The following DCLK1 variants were observed in gnomAD, a reference collection of about 807,000 sequenced individuals.
DCLK1 encodes the protein doublecortin like kinase 1.
DCLK1 carries 16 observed loss-of-function variants against 86.2 expected under a neutral mutation model. The observed-to-expected ratio is 0.19, with a 90% CI of 0.13 to 0.28. The LOEUF is 0.28. Among genes scored for constraint, DCLK1 ranks in the 10% least tolerant of loss-of-function variants. The probability of loss-of-function intolerance (pLI) is 1.00; values close to 1 mark genes in which losing one functional copy is unlikely to be tolerated. For missense variants in DCLK1, 590 were observed against 940.2 expected (o/e 0.63, Z 4.87); for synonymous variants, 369 against 370.5 (o/e 1.00, Z 0.05).
intron 16 of DCLK1, among the ~76,000 whole-genome samples, chr13:35,782,333 C>T (rs1017797864): frequency 4.6e-5 from 7 of 152,054 alleles, no homozygotes; most frequent in African/African-American, 1.7e-4. Flanking sequence ...TTCCTCTGCC[C>T]GACAGCCCCT....
intron 3 of DCLK1, among the ~76,000 whole-genome samples, chr13:35,999,314 T>A (rs1228903167): frequency 6.6e-6 from 1 of 152,114 alleles, no homozygotes; most frequent in Non-Finnish European, 1.5e-5. Flanking sequence ...TTTTTCTGAA[T>A]AGTCAATGGA....
At chr13:35,867,911 A>AAGAAAGAAAGAAAGAAAG (rs1491006913) in intron 5 of DCLK1, among the ~76,000 whole-genome samples, 1 of 91,238 alleles carries the variant, frequency 1.1e-5, no homozygotes, top group African/African-American at 4.1e-5. Flanking sequence ...AAGAAAGAAA[A>AAGAAAGAAAGAAAGAAAG]AGAAAGAAAG....
chr13:36,121,606 A>G (rs1414681881), intron 2 of DCLK1, among the ~76,000 whole-genome samples: 1 of 152,236 alleles, frequency 6.6e-6, no homozygotes, highest in Non-Finnish European at 1.5e-5. Context: ...TTTATAAATT[A>G]AACTTTATCA....
chr13:35,854,628 G>A (rs758333946), intron 5 of DCLK1, 35 bp from the exon 6 acceptor site: 10 of 1,499,866 alleles, frequency 6.7e-6, no homozygotes, highest in Non-Finnish European at 9.0e-6. Flanking sequence ...AGAGAAAAAT[G>A]GCACGTTAAA....
chr13:36,014,894 A>G (rs1372118246), intron 3 of DCLK1, among the ~76,000 whole-genome samples: 1 of 152,118 alleles, frequency 6.6e-6, no homozygotes, highest in African/African-American at 2.4e-5. Flanking sequence ...TTCCGTGCAT[A>G]ATTCAGTGGT....
intron 5 of DCLK1, among the ~76,000 whole-genome samples, chr13:35,866,616 A>ACTTT (rs1555345564): frequency 7.4e-6 from 1 of 135,292 alleles, no homozygotes; most frequent in African/African-American, 2.7e-5. Context: ...TAATTTTTGT[A>ACTTT]TTTTTTTTTT....
At chr13:36,106,906 A>G (rs1885416308) in intron 3 of DCLK1, among the ~76,000 whole-genome samples, 1 of 152,206 alleles carries the variant, frequency 6.6e-6, no homozygotes. Flanking sequence ...CCAAGAGTCG[A>G]CCAAATTATT....
At chr13:36,000,374 G>A (rs949741755) in intron 3 of DCLK1, among the ~76,000 whole-genome samples, 1 of 152,136 alleles carries the variant, frequency 6.6e-6, no homozygotes, top group Non-Finnish European at 1.5e-5. Flanking sequence ...GGCAGTTCTA[G>A]GGGTGAGGAT....
At chr13:35,880,016 A>T (rs1189854924) in intron 4 of DCLK1, among the ~76,000 whole-genome samples, 1 of 152,188 alleles carries the variant, frequency 6.6e-6, no homozygotes, top group Non-Finnish European at 1.5e-5. Context: ...GGGGCCCTCA[A>T]TTAACTCTTA....
chr13:35,835,573 T>C (rs1036157478), intron 8 of DCLK1, among the ~76,000 whole-genome samples: 1 of 152,238 alleles, frequency 6.6e-6, no homozygotes, highest in African/African-American at 2.4e-5. Context: ...TACGTCTTAA[T>C]GTGTTAAATA....
At chr13:35,860,576 G>T (rs1464073145) in intron 5 of DCLK1, among the ~76,000 whole-genome samples, 1 of 152,152 alleles carries the variant, frequency 6.6e-6, no homozygotes, top group Admixed American at 6.5e-5. Context: ...ACACAGCTCT[G>T]TGAATTAATT....
At chr13:35,854,041 A>G (rs1870862139) in intron 6 of DCLK1, among the ~76,000 whole-genome samples, 1 of 152,176 alleles carries the variant, frequency 6.6e-6, no homozygotes, top group African/African-American at 2.4e-5. Flanking sequence ...TTCATCCACA[A>G]AAGCACGTGT....
intron 3 of DCLK1, among the ~76,000 whole-genome samples, chr13:35,997,746 C>A (rs1880534450): frequency 6.6e-6 from 1 of 152,196 alleles, no homozygotes; most frequent in East Asian, 1.9e-4. Flanking sequence ...AAAAACCAAC[C>A]AAACAGCAAA....
chr13:35,833,377 GC>G (rs747421614), intron 8 of DCLK1, among the ~76,000 whole-genome samples: 61 of 152,258 alleles, frequency 4.0e-4, no homozygotes, highest in Non-Finnish European at 6.8e-4. Context: ...GCTCATTAGA[GC>G]TTTTCTGCTC....
chr13:35,944,097 G>A (rs777961694), intron 4 of DCLK1, among the ~76,000 whole-genome samples: 21 of 152,162 alleles, frequency 1.4e-4, no homozygotes, highest in African/African-American at 4.8e-4. Context: ...GGCAGTTTCC[G>A]ATATTAATCT....
At chr13:35,991,444 T>C (rs369629080) in intron 3 of DCLK1, among the ~76,000 whole-genome samples, 2 of 152,106 alleles carry the variant, frequency 1.3e-5, no homozygotes, top group East Asian at 1.9e-4. Context: ...GAGGATCACT[T>C]GAGCCCAGGA....
At chr13:36,006,342 T>C (rs1880956342) in intron 3 of DCLK1, among the ~76,000 whole-genome samples, 1 of 152,160 alleles carries the variant, frequency 6.6e-6, no homozygotes, top group African/African-American at 2.4e-5. Flanking sequence ...AGAGAAATGC[T>C]GTGAGAACCT....
At chr13:35,789,457 TGAA>T in intron 16 of DCLK1, among the ~76,000 whole-genome samples, 1 of 152,216 alleles carries the variant, frequency 6.6e-6, no homozygotes, top group East Asian at 1.9e-4. Flanking sequence ...CTCAGGAAGA[TGAA>T]GGTGTATGCT....
At chr13:35,941,359 G>T (rs1403545320) in intron 4 of DCLK1, among the ~76,000 whole-genome samples, 2 of 152,136 alleles carry the variant, frequency 1.3e-5, no homozygotes, top group Non-Finnish European at 1.5e-5. Context: ...CCAGGAAAAT[G>T]GTTAGAATAG....
Sources: allele counts gnomAD v4.1 joint callset (sites outside exome capture counted in the v4.1 genomes callset), GRCh38; gene constraint gnomAD v4.1.1; transcripts MANE v1.5; gene names NCBI Gene and HGNC (gene_info 2026-07-23, HGNC 2026-07-21).